Variants in HTR5A observed in about 807,000 individuals in gnomAD.
HTR5A encodes the protein 5-HT-5.
Under a neutral mutation model 24.3 loss-of-function variants are expected in HTR5A, and 21 were observed. That is an observed-to-expected ratio of 0.86 (90% CI 0.61 to 1.24). The LOEUF (loss-of-function observed/expected upper bound fraction) is 1.24, where lower values mean the gene tolerates loss of function less well. HTR5A is among the 50% of genes most tolerant of loss of function. The pLI is 0.00. For missense variants in HTR5A, 497 were observed against 489.5 expected, an observed-to-expected ratio of 1.02 and a Z score of -0.15; for synonymous variants, 260 against 213.7, an observed-to-expected ratio of 1.22 and a Z score of -1.89.
intron 1 of HTR5A, among the ~76,000 whole-genome samples, chr7:155,075,808 T>G (rs1371819): frequency 0.96 from 146,819 of 152,230 alleles, 71,002 homozygotes; most frequent in East Asian, 1. Context: ...TATATAATAT[T>G]TTATGTCAGC....
Position 155,084,242 on chromosome 7 carries a change from G to A in HTR5A, c.829G>A (p.Glu277Lys), listed in dbSNP as rs1205586113. Residue 277 changes from glutamate (E) to lysine (K), a missense_variant, in exon 2 of 2, where the codon GAG (glutamate) becomes AAG (lysine). By Grantham distance (56) the Glu-to-Lys change is moderately conservative. Transcript: ENST00000287907. ...CCAGCCAGAAGGGGACACGTGGCGG[G>A]AGCAGAAGGAGCAGCGGGCCGCCCT... Reference protein sequence around the residue: ...TFQPEGDTWREQKEQRAALMV... With the variant: ...TFQPEGDTWRKQKEQRAALMV... 5.0e-6 allele frequency: 8 copies of A among 1,614,148 alleles called. No individual in the cohort carries two copies. The highest frequency in any genetic ancestry group is 1.3e-5 in the African/African-American group (1 of 75,048).
At chr7:155,075,027 C>T (rs1795345687) in intron 1 of HTR5A, among the ~76,000 whole-genome samples, 1 of 152,272 alleles carries the variant, frequency 6.6e-6, no homozygotes, top group East Asian at 1.9e-4. Flanking sequence ...AACACCTCAG[C>T]CTTGTGACCT....
chr7:155,079,797 G>A lies in HTR5A; in HGVS notation c.742-4358G>A, dbSNP rs375116733. Among the ~76,000 whole-genome samples, 18 of 152,236 alleles carry A rather than the reference G, an allele frequency of 1.2e-4. No individual in the cohort carries two copies. In the South Asian group the frequency reaches 1.2e-3, roughly 11 times the overall value. ...TTCATGCTTGTGAATAGTGTCTCAG[G>A]GTCCTGGACCAAACAGATGGAGAAG... is the stretch of plus-strand genomic sequence containing the variant. On this transcript the variant is annotated intron_variant, in intron 1 of 1. Coordinates refer to ENST00000287907, the MANE Select transcript of HTR5A (RefSeq NM_024012.4).
In HTR5A at chr7:155,071,035, T is replaced by C; in HGVS notation, c.136T>C (p.Leu46=). Reference sequence around the variant, plus strand: ...GGTCTTCGGAGTGCTTATTCTCACCTTGCTGGGCTTTCTGGTGGCGGCGAC... The same window carrying C: ...GGTCTTCGGAGTGCTTATTCTCACCCTGCTGGGCTTTCTGGTGGCGGCGAC... ...LSVFGVLILT[L]LGFLVAATFA... Residue 46 remains leucine (L), a synonymous_variant, in exon 1 of 2, where the codon TTG becomes CTG. Coordinates refer to ENST00000287907, the MANE Select transcript of HTR5A (RefSeq NM_024012.4). 1.2e-6 allele frequency: 2 copies of C among 1,611,196 alleles called. No individual in the cohort carries two copies. The highest frequency in any genetic ancestry group is 1.7e-6 in the Non-Finnish European group (2 of 1,180,022).
intron 1 of HTR5A, among the ~76,000 whole-genome samples, 199 bp downstream of exon 1, chr7:155,071,839 A>G (rs574155863): frequency 1.8e-4 from 28 of 152,318 alleles, no homozygotes; most frequent in Admixed American, 6.5e-4. Context: ...GGCTAATCAT[A>G]TCATGTTCCT....
At chr7:155,073,895 A>ATATATGTATATATATATACG (rs1563419642) in intron 1 of HTR5A, among the ~76,000 whole-genome samples, 9 of 16,700 alleles carry the variant, frequency 5.4e-4, no homozygotes, top group Admixed American at 5.0e-3. Context: ...ATATGTATAT[A>ATATATGTATATATATATACG]TATATATATA....
intron 1 of HTR5A, among the ~76,000 whole-genome samples, chr7:155,073,164 CA>C (rs1162663932): frequency 6.6e-6 from 1 of 151,516 alleles, no homozygotes; most frequent in South Asian, 2.1e-4. Flanking sequence ...ACTAAATATA[CA>C]AAAAAATTAG....
rs1230852663 is a variant in HTR5A, at chr7:155,070,814, C to A, written c.-86C>A. On this transcript the variant is annotated 5_prime_UTR_variant, in exon 1 of 2. Coordinates refer to ENST00000287907, the MANE Select transcript of HTR5A (RefSeq NM_024012.4). ...CCACTGGCCAGAGGTTGCAAACATC[C>A]GGATTGGCTCTGGGCACAGTGGCCG... The A allele has an allele frequency of 1.4e-6, 2 of 1,391,162 alleles. No homozygotes were observed. Among genetic ancestry groups the A allele is most frequent in the East Asian group, 2.3e-5 (1 of 43,350 alleles). The allele number at this position is 1,391,162 out of a possible 1,614,324, so 86.2% of individuals were successfully genotyped here.
rs867334807 is a variant in HTR5A at position 155,084,968 on chromosome 7, T to A, written c.*481T>A. The stretch of plus-strand genomic sequence containing the variant: ...ATATTCTCTGTGGTCCTAGTACATA[T>A]ATCCTAATACTGATGGGGTATGACC... On this transcript the variant is annotated 3_prime_UTR_variant, in exon 2 of 2. Coordinates refer to ENST00000287907, the MANE Select transcript of HTR5A (RefSeq NM_024012.4). 1 of 160,252 alleles carries A rather than the reference T, an allele frequency of 6.2e-6. No individual in the cohort carries two copies. Among genetic ancestry groups the A allele is most frequent in the Non-Finnish European group, 1.4e-5 (1 of 73,752 alleles). 9.9% of individuals were successfully genotyped at this position (160,252 alleles called of 1,614,324 possible). A position where few individuals can be genotyped will look rare whatever the true frequency, so the allele number is the denominator to read the frequency against.
rs762340285 is a variant in HTR5A, at chr7:155,071,475, C to T, written c.576C>T (p.Cys192=). 7 of 1,614,182 alleles carry T rather than the reference C, an allele frequency of 4.3e-6. No homozygotes were observed. The highest frequency in any genetic ancestry group is 3.3e-5 in the South Asian group (3 of 91,086). The stretch of plus-strand genomic sequence containing the variant: ...CGTACTCTGAGGGCAGCGAGGAGTG[C>T]CAGGTAAGCCGCGAGCCTTCCTACG... ...GETYSEGSEE[C]QVSREPSYAV... is the part of the protein sequence containing the mutation. The change falls in exon 1 of 2, where the codon TGC becomes TGT. Residue 192 remains cysteine, a synonymous_variant. Coordinates refer to ENST00000287907, the MANE Select transcript of HTR5A (RefSeq NM_024012.4).
At chr7:155,080,095 G>C (rs752887856) in intron 1 of HTR5A, among the ~76,000 whole-genome samples, 6 of 152,174 alleles carry the variant, frequency 3.9e-5, no homozygotes, top group Admixed American at 6.5e-5. Flanking sequence ...AGAAGAAGGA[G>C]TTCCAGGACA....
intron 1 of HTR5A, among the ~76,000 whole-genome samples, chr7:155,080,881 A>G (rs1273707612): frequency 1.3e-5 from 2 of 152,106 alleles, no homozygotes; most frequent in African/African-American, 4.8e-5. Flanking sequence ...CTGTTGGATG[A>G]TTGGTGCTCA....
chr7:155,084,674 TA>T lies in HTR5A; in HGVS notation c.*188del, dbSNP rs1554520275. On this transcript the variant is annotated 3_prime_UTR_variant, in exon 2 of 2. Coordinates refer to ENST00000287907, the MANE Select transcript of HTR5A (RefSeq NM_024012.4). ...GTAGGAATATGACTCCTCATAGAGT[TA>T]CGGTGACATGATGTATCTAACTTAT... 3.4e-6 allele frequency: 2 copies of T among 589,150 alleles called. No individual in the cohort carries two copies. The highest frequency in any genetic ancestry group is 6.4e-5 in the Admixed American group (2 of 31,350). The allele number at this position is 589,150 out of a possible 1,614,324, so 36.5% of individuals were successfully genotyped here.
rs1173620249 is a variant in HTR5A at position 155,084,400 on chromosome 7, C to G, written c.987C>G (p.Ser329=). Residue 329 remains serine (S), a synonymous_variant, in exon 2 of 2, where the codon TCC becomes TCG. Coordinates refer to ENST00000287907, the MANE Select transcript of HTR5A (RefSeq NM_024012.4). The part of the protein sequence containing the change: ...WKSIFLWLGY[S]NSFFNPLIYT... ...GCATCTTCCTGTGGCTTGGCTACTC[C>G]AACTCCTTCTTTAACCCCCTGATCT... is the stretch of plus-strand genomic sequence containing the variant. 1.2e-5 allele frequency: 19 copies of G among 1,614,144 alleles called. No homozygotes were observed. The highest frequency in any genetic ancestry group is 1.6e-5 in the Non-Finnish European group (19 of 1,180,022).
At position 155,086,351 on chromosome 7, in the gene HTR5A, G is replaced by T. The variant is rs942107261; in HGVS notation, c.*1864G>T. 6.6e-6 allele frequency among the ~76,000 whole-genome samples: 1 copy of T among 152,214 alleles called. No homozygotes were observed. The highest frequency in any genetic ancestry group is 1.5e-5 in the Non-Finnish European group (1 of 68,032). ...TGTGAAAACTTTTAATCCATAAATC[G>T]TGAGTGTCTTACTGTTTAAAAAAGT... On this transcript the variant is annotated 3_prime_UTR_variant, in exon 2 of 2. Transcript: ENST00000287907.
At position 155,084,791 on chromosome 7, in the gene HTR5A, T is replaced by A. The variant is rs1380465170; in HGVS notation, c.*304T>A. 3.3e-6 allele frequency: 1 copy of A among 301,348 alleles called. No individual in the cohort carries two copies. Among genetic ancestry groups the A allele is most frequent in the Non-Finnish European group, 6.0e-6 (1 of 165,542 alleles). 18.7% of individuals were successfully genotyped at this position (301,348 alleles called of 1,614,324 possible). ...ATTCACTCTGGCATGGTGATCGACA[T>A]TGTCTTAAAGAAGTCAAGGCAAATA... On this transcript the variant is annotated 3_prime_UTR_variant, in exon 2 of 2. Transcript: ENST00000287907.
At position 155,071,461 on chromosome 7, in the gene HTR5A, G is replaced by A. The variant is rs1226890414; in HGVS notation, c.562G>A (p.Gly188Ser). ...LFGWGETYSE[G>S]SEECQVSREP... ...TGGCTGGGGAGAGACGTACTCTGAG[G>A]GCAGCGAGGAGTGCCAGGTAAGCCG... is the stretch of plus-strand genomic sequence containing the variant. Residue 188 changes from glycine (G) to serine (S), a missense_variant, in exon 1 of 2, where the codon GGC becomes AGC. By Grantham distance (56) the Gly-to-Ser change is moderately conservative (BLOSUM62 0). Transcript: ENST00000287907. The A allele has an allele frequency of 1.2e-6, 2 of 1,614,188 alleles. No homozygotes were observed. The highest frequency in any genetic ancestry group is 2.2e-5 in the South Asian group (2 of 91,092).
At position 155,070,771 on chromosome 7, in the gene HTR5A, C is replaced by T; in HGVS notation, c.-129C>T. The T allele has an allele frequency of 1.0e-6, 1 of 983,984 alleles. No homozygotes were observed. The highest frequency in any genetic ancestry group is 2.2e-4 in the Middle Eastern group (1 of 4,610). The allele number at this position is 983,984 out of a possible 1,614,324, so 61.0% of individuals were successfully genotyped here. A position where few individuals can be genotyped will look rare whatever the true frequency, so the allele number is the denominator to read the frequency against. Reference sequence around the variant, plus strand: ...AGGAAATTGGGGCCAAATTCACAGGCACTTTCCAGAAACTCCCCCACTGGC... The same window carrying T: ...AGGAAATTGGGGCCAAATTCACAGGTACTTTCCAGAAACTCCCCCACTGGC... On this transcript the variant is annotated 5_prime_UTR_variant, in exon 1 of 2. Transcript: ENST00000287907.
chr7:155,077,005 G>A (rs1795365688), intron 1 of HTR5A: 1 of 152,166 alleles, frequency 6.6e-6, no homozygotes, highest in Admixed American at 6.5e-5. Context: ...GAAAAGGAAT[G>A]TTCATGATAA....
Sources: gnomAD v4.1 joint callset for allele counts (sites outside exome capture counted in the v4.1 genomes callset) on GRCh38, gnomAD v4.1.1 for gene constraint, MANE v1.5 for transcripts, NCBI Gene and HGNC (gene_info 2026-07-23, HGNC 2026-07-21) for gene names.